GABRA3: variants seen among roughly 807,000 people sequenced by gnomAD.
The protein encoded by GABRA3 is gamma-aminobutyric acid type A receptor subunit alpha3, also known as gamma-aminobutyric acid receptor subunit alpha-3.
In GABRA3, 10 loss-of-function variants were observed where a neutral mutation model predicts 30.1. The ratio of observed to expected loss-of-function variants is 0.33; its 90% confidence interval spans 0.20 to 0.56. The LOEUF (loss-of-function observed/expected upper bound fraction) is 0.56, where lower values mean the gene tolerates loss of function less well. GABRA3 is among the 20% of genes least tolerant of loss of function. GABRA3 has a pLI of 0.89. For synonymous variants in GABRA3, 151 were observed against 146.8 expected (o/e 1.03, Z -0.21); for missense variants, 233 against 392.0 (o/e 0.59, Z 3.42).
intron 1 of GABRA3, among the ~76,000 whole-genome samples, chrX:152,433,544 T>C (rs1187800124): frequency 3.7e-5 from 4 of 108,329 alleles, no homozygotes; most frequent in Non-Finnish European, 7.6e-5. Flanking sequence ...CAGATAGGGG[T>C]AGTTACAGCA....
chrX:152,169,192 C>G (rs1348817416), intron 9 of GABRA3, among the ~76,000 whole-genome samples: 1 of 112,430 alleles, frequency 8.9e-6, no homozygotes, highest in Non-Finnish European at 1.9e-5. Context: ...AGGAAGAGAG[C>G]TTGGTGAGTC....
chrX:152,285,622 C>A (rs1325602389), intron 3 of GABRA3, among the ~76,000 whole-genome samples: 1 of 111,199 alleles, frequency 9.0e-6, no homozygotes, highest in Non-Finnish European at 1.9e-5. Flanking sequence ...GCTGTTACAA[C>A]AAAATACCTT....
At chrX:152,450,576 G>T (rs894938217) in intron 1 of GABRA3, among the ~76,000 whole-genome samples, 5 of 110,618 alleles carry the variant, frequency 4.5e-5, no homozygotes, top group African/African-American at 1.6e-4. Flanking sequence ...AAAGGAAGCA[G>T]TTATTTACAA....
intron 9 of GABRA3, among the ~76,000 whole-genome samples, chrX:152,185,292 C>T (rs1276337891): frequency 1.8e-5 from 2 of 111,270 alleles, no homozygotes; most frequent in Non-Finnish European, 3.8e-5. Context: ...TAATATGCTT[C>T]TTGAGATAAC....
At chrX:152,432,557 C>CA (rs1930672691) in intron 1 of GABRA3, among the ~76,000 whole-genome samples, 2 of 110,721 alleles carry the variant, frequency 1.8e-5, no homozygotes, top group South Asian at 7.4e-4. Context: ...AAATAGCAAA[C>CA]AAAAAACAAA....
At chrX:152,279,647 G>A (rs1006184152) in intron 4 of GABRA3, among the ~76,000 whole-genome samples, 2 of 111,468 alleles carry the variant, frequency 1.8e-5, no homozygotes, top group Non-Finnish European at 3.8e-5. Flanking sequence ...ATTCTGTGAA[G>A]AAAATCACTG....
chrX:152,347,582 C>T (rs755504777), intron 2 of GABRA3, among the ~76,000 whole-genome samples: 69 of 110,980 alleles, frequency 6.2e-4, no homozygotes, highest in Admixed American at 1.3e-3. Context: ...AAACATCTCA[C>T]GCACCCCATA....
At chrX:152,229,789 A>C (rs780940275) in intron 5 of GABRA3, among the ~76,000 whole-genome samples, 25 of 111,243 alleles carry the variant, frequency 2.2e-4, no homozygotes, top group Admixed American at 1.5e-3. Context: ...GATTTTAAGC[A>C]GAGGGTAATT....
chrX:152,235,016 G>T (rs960678600), intron 5 of GABRA3, among the ~76,000 whole-genome samples: 4 of 111,379 alleles, frequency 3.6e-5, no homozygotes, highest in African/African-American at 1.3e-4. Flanking sequence ...AAATGACATT[G>T]GTATTTTGGT....
At chrX:152,439,777 A>C (rs939598217) in intron 1 of GABRA3, among the ~76,000 whole-genome samples, 2 of 112,028 alleles carry the variant, frequency 1.8e-5, no homozygotes, top group African/African-American at 6.5e-5. Flanking sequence ...ATATGCAAAA[A>C]CATGGATGAA....
intron 1 of GABRA3, among the ~76,000 whole-genome samples, chrX:152,427,099 C>T (rs1293099489): frequency 9.0e-6 from 1 of 111,451 alleles, no homozygotes; most frequent in Non-Finnish European, 1.9e-5. Context: ...TTTGGCACCA[C>T]CATAGATGAA....
At chrX:152,436,535 C>A (rs1488107356) in intron 1 of GABRA3, among the ~76,000 whole-genome samples, 1 of 111,657 alleles carries the variant, frequency 9.0e-6, no homozygotes, top group Non-Finnish European at 1.9e-5. Flanking sequence ...CAAGGTTACA[C>A]AAACAGATCA....
chrX:152,383,406 A>G (rs942395296), intron 1 of GABRA3, among the ~76,000 whole-genome samples: 1 of 103,695 alleles, frequency 9.6e-6, no homozygotes, highest in Non-Finnish European at 1.9e-5. Context: ...AAAAAAAAAA[A>G]AAAAGAAAGA....
At chrX:152,429,193 C>T (rs1930589549) in intron 1 of GABRA3, among the ~76,000 whole-genome samples, 1 of 111,085 alleles carries the variant, frequency 9.0e-6, no homozygotes, top group African/African-American at 3.3e-5. Context: ...ACAAGTTCAG[C>T]CAGACTTCCT....
chrX:152,207,834 T>A (rs768020567), intron 7 of GABRA3, among the ~76,000 whole-genome samples, 167 bp downstream of exon 7: 1 of 112,396 alleles, frequency 8.9e-6, no homozygotes, highest in Non-Finnish European at 1.9e-5. Flanking sequence ...TGCATAACTG[T>A]GACAAGGAGC....
intron 5 of GABRA3, among the ~76,000 whole-genome samples, chrX:152,225,502 A>G (rs756257911): frequency 8.8e-4 from 96 of 108,980 alleles, no homozygotes; most frequent in Non-Finnish European, 1.3e-3. Flanking sequence ...GATGGAGGAC[A>G]TCGGAAACCT....
At chrX:152,257,812 G>A (rs1202685529) in intron 4 of GABRA3, among the ~76,000 whole-genome samples, 1 of 112,161 alleles carries the variant, frequency 8.9e-6, no homozygotes, top group East Asian at 2.8e-4. Context: ...GAGGAGTTGA[G>A]GAGAAAGTGT....
chrX:152,202,391 T>G (rs981689546), intron 7 of GABRA3, among the ~76,000 whole-genome samples: 2 of 111,750 alleles, frequency 1.8e-5, no homozygotes, highest in South Asian at 3.7e-4. Flanking sequence ...TAAAAGTGTG[T>G]GCAGCAAAAT....
In GABRA3 at chrX:152,296,760, C is replaced by T. The variant is rs761179949; in HGVS notation, c.263-12025G>A. 1.9e-4 allele frequency among the ~76,000 whole-genome samples: 21 copies of T among 108,114 alleles called. No homozygotes were observed. The East Asian group carries it at 5.8e-3, about 30-fold the overall frequency. The allele number at this position is 108,114 out of a possible 115,157, so 93.9% of individuals were successfully genotyped here. On this transcript the variant is annotated intron_variant, in intron 3 of 9. Transcript: ENST00000370314. ...AGTTGCCCAGGCTGGAATGCAGTGG[C>T]ATGATCTTGGCTCACTGCAACCTCC...
Sources: gnomAD v4.1 joint callset for allele counts (sites outside exome capture counted in the v4.1 genomes callset) on GRCh38, gnomAD v4.1.1 for gene constraint, MANE v1.5 for transcripts, NCBI Gene and HGNC (gene_info 2026-07-23, HGNC 2026-07-21) for gene names.